Variants in CPS1 observed in about 807,000 individuals in gnomAD.
CPS1 encodes carbamoyl-phosphate synthase [ammonia], mitochondrial.
Under a neutral mutation model 174.6 loss-of-function variants are expected in CPS1, and 109 were observed. That is an observed-to-expected ratio of 0.62 (90% CI 0.53 to 0.73). The LOEUF (loss-of-function observed/expected upper bound fraction) is 0.73, where lower values mean the gene tolerates loss of function less well. Among genes scored for constraint, CPS1 ranks in the 30% least tolerant of loss-of-function variants. CPS1 has a pLI of 0.00. For missense variants in CPS1, 1,689 were observed against 1,821.9 expected (o/e 0.93, Z 1.33); for synonymous variants, 637 against 632.0 (o/e 1.01, Z -0.12).
chr2:210,533,621 T>G (rs1402352280), intron 1 of CPS1, among the ~76,000 whole-genome samples: 1 of 152,206 alleles, frequency 6.6e-6, no homozygotes, highest in Admixed American at 6.5e-5. Context: ...CAGTTGAAGC[T>G]GTGCATATCA....
chr2:210,652,284 T>C (rs1187490898), intron 28 of CPS1, among the ~76,000 whole-genome samples: 2 of 152,186 alleles, frequency 1.3e-5, no homozygotes, highest in Non-Finnish European at 2.9e-5. Context: ...AAGGAGACTT[T>C]ATTGGTCATT....
intron 1 of CPS1, among the ~76,000 whole-genome samples, chr2:210,511,520 C>G (rs906794860): frequency 7.4e-6 from 1 of 134,362 alleles, no homozygotes; most frequent in Non-Finnish European, 1.7e-5. Context: ...TACCCTCAAA[C>G]TTAAATTATA....
rs572914312 is a variant in CPS1 at position 210,678,872 on chromosome 2, C to T, written c.*887C>T. The T allele has an allele frequency of 6.6e-6, 1 of 152,198 alleles. No homozygotes were observed. Among genetic ancestry groups the T allele is most frequent in the Non-Finnish European group, 1.5e-5 (1 of 68,046 alleles). 9.4% of individuals were successfully genotyped at this position (152,198 alleles called of 1,614,324 possible). On this transcript the variant is annotated 3_prime_UTR_variant, in exon 38 of 38. Transcript: ENST00000233072. ...GATTTTTGTCATTCACACTCTCCCC[C>T]AGTTTTGGAATAACTTGGAAGTAAG...
intron 19 of CPS1, 48 bp downstream of exon 19, chr2:210,608,607 G>T: frequency 6.3e-7 from 1 of 1,584,064 alleles, no homozygotes. Flanking sequence ...CAGTTATTTT[G>T]TTAAATTTGT....
At chr2:210,640,779 C>A (rs1700197801) in intron 24 of CPS1, among the ~76,000 whole-genome samples, 1 of 152,096 alleles carries the variant, frequency 6.6e-6, no homozygotes, top group Admixed American at 6.5e-5. Context: ...TTAGTTTTTA[C>A]AATGAACTAA....
chr2:210,556,779 A>C lies in CPS1; in HGVS notation c.46A>C (p.Thr16Pro), dbSNP rs1400264761. The C allele has an allele frequency of 6.2e-7, 1 of 1,613,046 alleles. No homozygotes were observed. The highest frequency in any genetic ancestry group is 8.5e-7 in the Non-Finnish European group (1 of 1,179,390). The change falls in exon 1 of 38, where the codon ACT becomes CCT. Residue 16 changes from threonine (T) to proline (P), a missense_variant. By Grantham distance (38) the Thr-to-Pro change is conservative. Transcript: ENST00000233072. ...TTTCAAAGTGGTGAGGACACTGAAG[A>C]CTGGTTTTGGCTTTACCAATGTGAC... ...TAFKVVRTLK[T>P]GFGFTNVTAH...
intron 1 of CPS1, among the ~76,000 whole-genome samples, chr2:210,521,480 A>G (rs978084310): frequency 9.9e-5 from 15 of 151,918 alleles, no homozygotes; most frequent in Non-Finnish European, 2.2e-4. Flanking sequence ...AATTTAGAAG[A>G]TTTTAACCAC....
At chr2:210,516,209 G>C (rs1191123768) in intron 1 of CPS1, among the ~76,000 whole-genome samples, 1 of 151,732 alleles carries the variant, frequency 6.6e-6, no homozygotes, top group Non-Finnish European at 1.5e-5. Flanking sequence ...GTGTCTATTA[G>C]GTACCATTTG....
Position 210,608,433 on chromosome 2 carries a change from C to T in CPS1, c.2265C>T (p.Ser755=), listed in dbSNP as rs41272667. ...IPLPEIKNVV[S]GKTSACFEPS... is the part of the protein sequence containing the mutation. ...TTCCAGAAATTAAGAACGTCGTATC[C>T]GGGAAGACATCAGCCTGTTTTGAAC... The change falls in exon 19 of 38, where the codon TCC becomes TCT. Residue 755 remains serine, a synonymous_variant. Transcript: ENST00000233072. 1.5e-3 allele frequency: 2,418 copies of T among 1,612,380 alleles called. 28 individuals carry two copies. In the African/African-American group the frequency reaches 0.027, roughly 18 times the overall value.
Position 210,515,893 on chromosome 2 carries a change from T to C in CPS1, c.3+38127T>C, listed in dbSNP as rs1277670066. On this transcript the variant is annotated intron_variant, in intron 1 of 38. Coordinates refer to the CPS1 transcript ENST00000430249. ...GCTGCATCACAGAGATTTTGCTATG[T>C]TGTATCTCTGTTTTCATTTATTTCA... 2.0e-5 allele frequency among the ~76,000 whole-genome samples: 3 copies of C among 152,000 alleles called. No individual in the cohort carries two copies. The East Asian group carries it at 5.8e-4, about 29-fold the overall frequency.
intron 1 of CPS1, among the ~76,000 whole-genome samples, chr2:210,479,114 G>C (rs185652860): frequency 9.2e-5 from 14 of 152,110 alleles, no homozygotes; most frequent in African/African-American, 3.1e-4. Context: ...TGAAACAACA[G>C]AAATGTATTT....
In CPS1 at chr2:210,569,114, G is replaced by C. The variant is rs73073555; in HGVS notation, c.127-4184G>C. Reference sequence around the variant, plus strand: ...CTTGTCTACTCTGTGCTAGCCACTGGTATAGGCTGGAGGTGCACTAGTGCA... The same window carrying C: ...CTTGTCTACTCTGTGCTAGCCACTGCTATAGGCTGGAGGTGCACTAGTGCA... On this transcript the variant is annotated intron_variant, in intron 1 of 37. Transcript: ENST00000233072. Among the ~76,000 whole-genome samples, 1,186 of 152,176 alleles carry C rather than the reference G, an allele frequency of 7.8e-3. 15 individuals are homozygous for C. Among genetic ancestry groups the C allele is most frequent in the African/African-American group, 0.027 (1,121 of 41,530 alleles).
chr2:210,577,640 T>C, intron 4 of CPS1, 130 bp downstream of exon 4: 1 of 770,412 alleles, frequency 1.3e-6, no homozygotes, highest in Non-Finnish European at 2.4e-6. Context: ...GAGGGATTCC[T>C]TCTCTTACTA....
chr2:210,538,086 T>A (rs979356728), intron 1 of CPS1, among the ~76,000 whole-genome samples: 2 of 152,328 alleles, frequency 1.3e-5, no homozygotes, highest in Non-Finnish European at 2.9e-5. Flanking sequence ...ATTCATTATC[T>A]CTTCTACATT....
At chr2:210,615,732 A>G (rs746778158) in intron 20 of CPS1, among the ~76,000 whole-genome samples, 43 of 152,078 alleles carry the variant, frequency 2.8e-4, no homozygotes, top group Admixed American at 5.2e-4. Flanking sequence ...TGAGAAATTG[A>G]TAAAGTAAGC....
chr2:210,532,209 G>T (rs1396887906), intron 1 of CPS1, among the ~76,000 whole-genome samples: 2 of 152,090 alleles, frequency 1.3e-5, no homozygotes, highest in African/African-American at 4.8e-5. Context: ...ATTTTGGAGG[G>T]TTATTAGAGA....
chr2:210,599,782 A>G (rs536851134), intron 14 of CPS1, among the ~76,000 whole-genome samples: 79 of 152,028 alleles, frequency 5.2e-4, no homozygotes, highest in Non-Finnish European at 9.1e-4. Flanking sequence ...TTTCACTTTA[A>G]TGCTCCAGAG....
intron 18 of CPS1, among the ~76,000 whole-genome samples, chr2:210,607,507 T>A (rs919933640): frequency 3.9e-5 from 6 of 151,968 alleles, no homozygotes; most frequent in African/African-American, 1.4e-4. Context: ...TGGTTTCTAA[T>A]AATATATTTA....
chr2:210,664,600 C>A (rs1291933618), intron 33 of CPS1, among the ~76,000 whole-genome samples: 2 of 152,140 alleles, frequency 1.3e-5, no homozygotes, highest in Non-Finnish European at 2.9e-5. Context: ...CAGACATGAG[C>A]CACCGCAGCC....
Sources: gnomAD v4.1 joint callset for allele counts (sites outside exome capture counted in the v4.1 genomes callset) on GRCh38, gnomAD v4.1.1 for gene constraint, MANE v1.5 for transcripts, NCBI Gene and HGNC (gene_info 2026-07-23, HGNC 2026-07-21) for gene names.